The following CHSY3 variants were observed in gnomAD, a reference collection of about 807,000 sequenced individuals.
CHSY3 encodes the protein N-acetylgalactosaminyl-proteoglycan 3-beta-glucuronosyltransferase 3.
In CHSY3, 35 loss-of-function variants were observed where a neutral mutation model predicts 67.2. The ratio of observed to expected loss-of-function variants is 0.52; its 90% CI spans 0.40 to 0.69. The LOEUF is 0.69. Ranked by LOEUF, CHSY3 falls within the 30% of genes least tolerant of loss-of-function variation. CHSY3 has a pLI of 0.00. For missense variants in CHSY3, 1,069 were observed against 1,138.5 expected (o/e 0.94, Z 0.88); for synonymous variants, 474 against 434.7 (o/e 1.09, Z -1.12).
chr5:130,172,188 AT>A (rs1484411970), intron 2 of CHSY3, among the ~76,000 whole-genome samples: 1 of 152,220 alleles, frequency 6.6e-6, no homozygotes, highest in Non-Finnish European at 1.5e-5. Flanking sequence ...GGAAGGAAAC[AT>A]TTATAACGAA....
chr5:130,055,463 T>G (rs1032481905), intron 2 of CHSY3, among the ~76,000 whole-genome samples: 6 of 151,922 alleles, frequency 3.9e-5, no homozygotes, highest in African/African-American at 1.5e-4. Flanking sequence ...GAAACAAGAG[T>G]TGGAAACAAG....
rs565672326 is a variant in CHSY3 at position 130,129,379 on chromosome 5, C to T, written c.1087-54850C>T. Among the ~76,000 whole-genome samples, 233 of 152,234 alleles carry T rather than the reference C, an allele frequency of 1.5e-3. 2 individuals are homozygous for T. Among genetic ancestry groups the T allele is most frequent in the African/African-American group, 5.3e-3 (221 of 41,554 alleles). ...TCTACTCATGATATGCCACTAGTTG[C>T]ACATATGTAAGGTGCAAACTTTTAG... On this transcript the variant is annotated intron_variant, in intron 2 of 2. Coordinates refer to ENST00000305031, the MANE Select transcript of CHSY3 (RefSeq NM_175856.5).
chr5:129,905,376 T>C lies in CHSY3; in HGVS notation c.547T>C (p.Tyr183His). 1.3e-6 allele frequency: 2 copies of C among 1,592,812 alleles called. No homozygotes were observed. Among genetic ancestry groups the C allele is most frequent in the Non-Finnish European group, 1.7e-6 (2 of 1,171,958 alleles). The change falls in exon 1 of 3, where the codon TAC becomes CAC. Residue 183 changes from tyrosine (Y) to histidine (H), a missense_variant. Physicochemically the swap from Tyr to His is moderately conservative, Grantham distance 83. Around this residue, in one of 5 missense-constraint regions of CHSY3, gnomAD observed 216 missense variants for 311.5 expected, o/e 0.69. Coordinates refer to ENST00000305031, the MANE Select transcript of CHSY3 (RefSeq NM_175856.5). ...LYVGVMTAQK[Y>H]LGSRALAAQR... is the part of the protein sequence containing the mutation. ...CGTGGGGGTGATGACCGCGCAGAAG[T>C]ACCTGGGCAGCCGCGCGCTGGCCGC...
intron 2 of CHSY3, among the ~76,000 whole-genome samples, chr5:130,145,933 A>G (rs926973589): frequency 6.6e-6 from 1 of 152,188 alleles, no homozygotes; most frequent in Non-Finnish European, 1.5e-5. Flanking sequence ...AATGGCTATC[A>G]TTAAAAAGAC....
At chr5:130,139,826 G>T (rs929938777) in intron 2 of CHSY3, among the ~76,000 whole-genome samples, 1 of 152,128 alleles carries the variant, frequency 6.6e-6, no homozygotes, top group East Asian at 1.9e-4. Context: ...CAATTATTTT[G>T]TTAACAATAG....
At chr5:130,029,471 C>G (rs1764646944) in intron 2 of CHSY3, among the ~76,000 whole-genome samples, 1 of 152,026 alleles carries the variant, frequency 6.6e-6, no homozygotes, top group South Asian at 2.1e-4. Flanking sequence ...GCCCCAAGCC[C>G]TGTACTGTTA....
chr5:130,145,019 G>A (rs547589139), intron 2 of CHSY3, among the ~76,000 whole-genome samples: 1 of 152,230 alleles, frequency 6.6e-6, no homozygotes, highest in African/African-American at 2.4e-5. Context: ...GGGAAGGGCA[G>A]TGCTACACAC....
intron 2 of CHSY3, among the ~76,000 whole-genome samples, chr5:129,921,845 A>T (rs1760935104): frequency 6.6e-6 from 1 of 152,110 alleles, no homozygotes; most frequent in South Asian, 2.1e-4. Flanking sequence ...TGTGTTAGGA[A>T]CATCCCAATG....
intron 2 of CHSY3, among the ~76,000 whole-genome samples, chr5:129,930,510 G>GT (rs1212431326): frequency 6.9e-6 from 1 of 145,128 alleles, no homozygotes; most frequent in African/African-American, 2.6e-5. Flanking sequence ...ATCACTGGCG[G>GT]GGGGGGGGTA....
At chr5:130,085,977 G>A (rs1450847678) in intron 2 of CHSY3, among the ~76,000 whole-genome samples, 8 of 152,232 alleles carry the variant, frequency 5.3e-5, no homozygotes, top group Admixed American at 1.3e-4. Context: ...CTGAGAGACA[G>A]TTTGTTATAA....
intron 2 of CHSY3, among the ~76,000 whole-genome samples, chr5:130,173,500 A>G (rs1050596847): frequency 2.6e-5 from 4 of 152,200 alleles, no homozygotes; most frequent in Non-Finnish European, 4.4e-5. Context: ...GTTTGTGTGC[A>G]TGTATACACA....
At chr5:130,149,939 T>C (rs952295515) in intron 2 of CHSY3, among the ~76,000 whole-genome samples, 4 of 152,184 alleles carry the variant, frequency 2.6e-5, no homozygotes, top group African/African-American at 9.7e-5. Flanking sequence ...GCTTTAAAAG[T>C]AGACTAAGAA....
At chr5:130,068,799 C>T (rs1007902986) in intron 2 of CHSY3, among the ~76,000 whole-genome samples, 3 of 152,120 alleles carry the variant, frequency 2.0e-5, no homozygotes, top group East Asian at 1.9e-4. Flanking sequence ...GCTCGAAGAG[C>T]TGATCTTTCA....
chr5:130,078,135 T>G (rs993128561), intron 2 of CHSY3, among the ~76,000 whole-genome samples: 10 of 152,146 alleles, frequency 6.6e-5, no homozygotes, highest in African/African-American at 2.2e-4. Flanking sequence ...GTGTTGGTGA[T>G]AGGATTTTGA....
intron 2 of CHSY3, among the ~76,000 whole-genome samples, chr5:130,179,321 C>G (rs1199318153): frequency 6.6e-6 from 1 of 152,002 alleles, no homozygotes; most frequent in Non-Finnish European, 1.5e-5. Flanking sequence ...TTTATGTCTT[C>G]TGTTTTATTT....
At chr5:130,067,408 A>G (rs567545074) in intron 2 of CHSY3, among the ~76,000 whole-genome samples, 1 of 152,288 alleles carries the variant, frequency 6.6e-6, no homozygotes, top group East Asian at 1.9e-4. Flanking sequence ...TGTGCACTCA[A>G]ATATTTTCTA....
intron 2 of CHSY3, among the ~76,000 whole-genome samples, chr5:129,929,950 A>G (rs920432209): frequency 6.6e-6 from 1 of 152,228 alleles, no homozygotes; most frequent in African/African-American, 2.4e-5. Flanking sequence ...TCGAGTTTAA[A>G]CAAAATGTTA....
intron 2 of CHSY3, among the ~76,000 whole-genome samples, chr5:129,932,704 A>C (rs1001298280): frequency 2.6e-5 from 4 of 152,148 alleles, no homozygotes; most frequent in African/African-American, 9.7e-5. Flanking sequence ...TCTTATGCTA[A>C]TTCTGAATTA....
intron 2 of CHSY3, among the ~76,000 whole-genome samples, chr5:130,076,863 C>T (rs989129853): frequency 4.0e-5 from 6 of 149,790 alleles, no homozygotes; most frequent in South Asian, 4.2e-4. Flanking sequence ...AACCAAACAC[C>T]GCATATTCTC....
Sources: gnomAD v4.1 joint callset for allele counts (sites outside exome capture counted in the v4.1 genomes callset) on GRCh38, gnomAD v4.1.1 for gene constraint, gnomAD v4.1.1 regional missense constraint, MANE v1.5 for transcripts, NCBI Gene and HGNC (gene_info 2026-07-23, HGNC 2026-07-21) for gene names.